The following CLSTN2 variants were observed in gnomAD, a reference collection of about 807,000 sequenced individuals.
CLSTN2 encodes the protein calsyntenin-2.
CLSTN2 carries 48 observed loss-of-function variants against 101.2 expected under a neutral mutation model. The observed-to-expected ratio is 0.47, with a 90% CI of 0.38 to 0.60. The LOEUF (loss-of-function observed/expected upper bound fraction) is 0.60, where lower values mean the gene tolerates loss of function less well. Ranked by LOEUF, CLSTN2 falls within the 20% of genes least tolerant of loss-of-function variation. CLSTN2 has a pLI of 0.00. For missense variants in CLSTN2, 1,160 were observed against 1,238.2 expected (o/e 0.94, Z 0.95); for synonymous variants, 481 against 463.6 (o/e 1.04, Z -0.48).
chr3:140,511,892 G>A (rs1027592743), intron 8 of CLSTN2, among the ~76,000 whole-genome samples: 7 of 152,010 alleles, frequency 4.6e-5, no homozygotes, highest in African/African-American at 1.7e-4. Context: ...AATGATCAAT[G>A]ATGTTGAGCT....
intron 2 of CLSTN2, among the ~76,000 whole-genome samples, chr3:140,319,558 TA>T (rs1157838635): frequency 1.3e-5 from 2 of 152,094 alleles, no homozygotes; most frequent in Non-Finnish European, 2.9e-5. Flanking sequence ...GCTGCCCCTG[TA>T]GGGTTAGGGA....
intron 10 of CLSTN2, among the ~76,000 whole-genome samples, chr3:140,547,252 G>T (rs1346926003): frequency 6.6e-6 from 1 of 152,032 alleles, no homozygotes; most frequent in Non-Finnish European, 1.5e-5. Context: ...GAGGCAGGTG[G>T]ATCACAAGGT....
intron 13 of CLSTN2, 130 bp from the exon 14 acceptor site, chr3:140,562,681 T>C (rs553791434): frequency 1.0e-6 from 1 of 970,318 alleles, no homozygotes; most frequent in Non-Finnish European, 1.5e-6. Flanking sequence ...GCCCAAAATA[T>C]CTTGAGCTCT....
At chr3:139,942,765 T>C (rs994980965) in intron 1 of CLSTN2, among the ~76,000 whole-genome samples, 1 of 152,172 alleles carries the variant, frequency 6.6e-6, no homozygotes, top group African/African-American at 2.4e-5. Context: ...CTGTGTGCAG[T>C]TGATTGCAAT....
intron 2 of CLSTN2, among the ~76,000 whole-genome samples, chr3:140,267,780 A>G (rs2086708415): frequency 6.6e-6 from 1 of 152,088 alleles, no homozygotes; most frequent in South Asian, 2.1e-4. Context: ...CTACCTCAAC[A>G]TTACATTTGC....
intron 7 of CLSTN2, among the ~76,000 whole-genome samples, chr3:140,463,367 G>A (rs1282376834): frequency 6.6e-6 from 1 of 152,168 alleles, no homozygotes; most frequent in African/African-American, 2.4e-5. Flanking sequence ...GCAATCACCA[G>A]GTGAGAGAGA....
At chr3:140,268,730 A>G (rs2086716663) in intron 2 of CLSTN2, among the ~76,000 whole-genome samples, 1 of 152,218 alleles carries the variant, frequency 6.6e-6, no homozygotes, top group Non-Finnish European at 1.5e-5. Context: ...TGCAGGGTGC[A>G]ACCTGCACAA....
intron 9 of CLSTN2, among the ~76,000 whole-genome samples, chr3:140,543,377 T>C (rs893142347): frequency 2.0e-5 from 3 of 152,224 alleles, no homozygotes; most frequent in Non-Finnish European, 4.4e-5. Context: ...AGCTTTCCCA[T>C]AGCCGTGGGC....
intron 1 of CLSTN2, among the ~76,000 whole-genome samples, chr3:140,154,684 G>T (rs928247263): frequency 8.2e-6 from 1 of 121,628 alleles, no homozygotes; most frequent in Non-Finnish European, 1.6e-5. Flanking sequence ...TTGCTCTGTC[G>T]CCCAGGCTGG....
chr3:140,010,236 G>T (rs1345382712), intron 1 of CLSTN2, among the ~76,000 whole-genome samples: 1 of 152,186 alleles, frequency 6.6e-6, no homozygotes, highest in Non-Finnish European at 1.5e-5. Flanking sequence ...TCTTTTGGGA[G>T]ATTTCTGTAC....
chr3:140,048,158 G>A (rs1464098513), intron 1 of CLSTN2, among the ~76,000 whole-genome samples: 2 of 152,178 alleles, frequency 1.3e-5, no homozygotes, highest in African/African-American at 4.8e-5. Flanking sequence ...TTATTTAAAT[G>A]GAAGCTGATA....
At chr3:139,946,239 C>T (rs1299085281) in intron 1 of CLSTN2, among the ~76,000 whole-genome samples, 1 of 152,212 alleles carries the variant, frequency 6.6e-6, no homozygotes, top group Non-Finnish European at 1.5e-5. Context: ...TGCTTTCTCT[C>T]TCATGCTGCC....
rs1935383781 is a variant in CLSTN2 at position 139,955,799 on chromosome 3, A to T, written c.109+20316A>T. Among the ~76,000 whole-genome samples, 3 of 152,174 alleles carry T rather than the reference A, an allele frequency of 2.0e-5. No homozygotes were observed. In the South Asian group the frequency reaches 6.2e-4, roughly 32 times the overall value. On this transcript the variant is annotated intron_variant, in intron 1 of 16. Transcript: ENST00000458420. ...CTATGCTCTGAGAGAGAAAGGATGG[A>T]TAGGGGACATTCGTTTCTTGGGGAA...
chr3:140,394,740 T>G (rs2088161047), intron 2 of CLSTN2, among the ~76,000 whole-genome samples: 1 of 152,228 alleles, frequency 6.6e-6, no homozygotes, highest in African/African-American at 2.4e-5. Flanking sequence ...GTAGGCTGTT[T>G]TCACTGTTCC....
intron 5 of CLSTN2, among the ~76,000 whole-genome samples, chr3:140,442,651 G>A (rs1296357878): frequency 6.6e-6 from 1 of 152,156 alleles, no homozygotes; most frequent in Non-Finnish European, 1.5e-5. Context: ...ATCGAGGGGT[G>A]GCTATCAGGA....
chr3:140,085,389 C>T (rs1372883453), intron 1 of CLSTN2, among the ~76,000 whole-genome samples: 4 of 152,170 alleles, frequency 2.6e-5, no homozygotes, highest in South Asian at 2.1e-4. Context: ...ATTACATATA[C>T]GTAAGCAGGG....
At chr3:140,226,077 G>A (rs1275707144) in intron 2 of CLSTN2, among the ~76,000 whole-genome samples, 1 of 152,144 alleles carries the variant, frequency 6.6e-6, no homozygotes, top group Admixed American at 6.6e-5. Context: ...AACCACCTGG[G>A]TGAATCCCTA....
chr3:140,342,091 G>A (rs1261850412), intron 2 of CLSTN2, among the ~76,000 whole-genome samples: 1 of 152,180 alleles, frequency 6.6e-6, no homozygotes, highest in Admixed American at 6.5e-5. Context: ...GGCCCAGGTA[G>A]CATTCCTTTG....
chr3:140,209,346 T>A lies in CLSTN2; in HGVS notation c.232+33273T>A, dbSNP rs532689561. On this transcript the variant is annotated intron_variant, in intron 2 of 16. Transcript: ENST00000458420. The stretch of plus-strand genomic sequence containing the variant: ...GGAATGAATGGACTCTGATCCCTTA[T>A]GCTTTCAGGACAGTGGGTTCTCTTT... Among the ~76,000 whole-genome samples, 138 of 152,358 alleles carry A rather than the reference T, an allele frequency of 9.1e-4. 1 individual carries two copies. Among genetic ancestry groups the A allele is most frequent in the African/African-American group, 3.1e-3 (130 of 41,574 alleles).
Sources: allele counts gnomAD v4.1 joint callset (sites outside exome capture counted in the v4.1 genomes callset), GRCh38; gene constraint gnomAD v4.1.1; transcripts MANE v1.5; gene names NCBI Gene and HGNC (gene_info 2026-07-23, HGNC 2026-07-21).